The following MAU2 variants were observed in gnomAD, a reference collection of about 807,000 sequenced individuals.
MAU2 encodes MAU2 sister chromatid cohesion factor.
MAU2 carries 9 observed loss-of-function variants against 89.1 expected under a neutral mutation model. The observed-to-expected ratio is 0.10, with a 90% CI of 0.06 to 0.18. MAU2 has a LOEUF of 0.18. Ranked by LOEUF, MAU2 falls within the 10% of genes least tolerant of loss-of-function variation. MAU2 has a pLI of 1.00. For missense variants in MAU2, 425 were observed against 803.5 expected, an observed-to-expected ratio of 0.53 and a Z score of 5.69; for synonymous variants, 357 against 343.4, an observed-to-expected ratio of 1.04 and a Z score of -0.44.
chr19:19,342,103 A>G (rs1198628764), intron 7 of MAU2, among the ~76,000 whole-genome samples: 2 of 152,130 alleles, frequency 1.3e-5, no homozygotes, highest in African/African-American at 2.4e-5. Flanking sequence ...TCAGGGTGCA[A>G]GGGCTGCAGA....
At chr19:19,327,124 T>TC (rs1404491965) in intron 1 of MAU2, among the ~76,000 whole-genome samples, 1 of 145,386 alleles carries the variant, frequency 6.9e-6, no homozygotes, top group African/African-American at 2.5e-5. Flanking sequence ...CCAGGAGCTT[T>TC]TTTTTTTTTT....
At chr19:19,349,497 A>AG in intron 16 of MAU2, 61 bp downstream of exon 16, 4 of 1,428,384 alleles carry the variant, frequency 2.8e-6, no homozygotes, top group Non-Finnish European at 2.9e-6. Flanking sequence ...GAGGGACAGG[A>AG]GCCGGCCAGC....
intron 12 of MAU2, among the ~76,000 whole-genome samples, chr19:19,346,489 A>T (rs2061693993): frequency 6.6e-6 from 1 of 151,890 alleles, no homozygotes; most frequent in Non-Finnish European, 1.5e-5. Context: ...CCCTAACCCC[A>T]AACACACACG....
intron 1 of MAU2, among the ~76,000 whole-genome samples, chr19:19,332,700 C>T (rs928108544): frequency 3.9e-5 from 6 of 152,202 alleles, no homozygotes; most frequent in African/African-American, 1.4e-4. Context: ...GAGATGGGAT[C>T]CTCTCTGTCT....
At chr19:19,331,975 TG>T (rs1448954744) in intron 1 of MAU2, among the ~76,000 whole-genome samples, 3 of 152,260 alleles carry the variant, frequency 2.0e-5, no homozygotes, top group Non-Finnish European at 4.4e-5. Flanking sequence ...GCTTTGTGTC[TG>T]AAAGGCATAC....
At chr19:19,347,587 A>G in intron 13 of MAU2, 1 of 528,878 alleles carries the variant, frequency 1.9e-6, no homozygotes, top group Non-Finnish European at 3.4e-6. Flanking sequence ...CCATAGCCAC[A>G]GAACACTTCT....
intron 17 of MAU2, 62 bp downstream of exon 17, chr19:19,354,507 T>G: frequency 1.4e-6 from 2 of 1,427,544 alleles, no homozygotes; most frequent in South Asian, 1.2e-5. Flanking sequence ...AGATCAAGGC[T>G]GCTGGGCATG....
intron 13 of MAU2, chr19:19,348,657 C>T: frequency 3.2e-6 from 2 of 634,312 alleles, no homozygotes. Flanking sequence ...CGCCCAGGCC[C>T]CTGTCACCTA....
intron 16 of MAU2, among the ~76,000 whole-genome samples, chr19:19,351,678 CAA>C (rs959590954): frequency 1.4e-5 from 2 of 138,320 alleles, no homozygotes; most frequent in East Asian, 2.1e-4. Flanking sequence ...AGATCCGTCT[CAA>C]AAAAAAAAAG....
chr19:19,355,962 C>T lies in MAU2; in HGVS notation c.*180C>T, dbSNP rs574977545. The T allele has an allele frequency of 4.3e-5, 30 of 702,328 alleles. No individual in the cohort carries two copies. Among genetic ancestry groups the T allele is most frequent in the African/African-American group, 1.4e-4 (8 of 57,308 alleles). 43.5% of individuals were successfully genotyped at this position (702,328 alleles called of 1,614,324 possible). ...GGAGGGGTGGTAGCCGTTCCCACCT[C>T]GCAGCAGGACCCCCAGTGCAGAGGC... On this transcript the variant is annotated 3_prime_UTR_variant, in exon 19 of 19. Transcript: ENST00000262815.
At position 19,345,282 on chromosome 19, in the gene MAU2, T is replaced by C; in HGVS notation, c.1156-22T>C. 1 of 1,611,672 alleles carries C rather than the reference T, an allele frequency of 6.2e-7. No homozygotes were observed. The highest frequency in any genetic ancestry group is 8.5e-7 in the Non-Finnish European group (1 of 1,178,098). On this transcript the variant is annotated intron_variant, in intron 11 of 18. Transcript: ENST00000262815. The surrounding 1 kb of genome is among the most constrained non-coding windows in gnomAD (Gnocchi z 4.9). ...CCCCCTCCCCAGGGGCCGGCCCTGA[T>C]GACAACACCACCTTCTTCCAGGGCC...
chr19:19,349,537 C>A, intron 16 of MAU2, 101 bp downstream of exon 16: 1 of 1,014,830 alleles, frequency 9.9e-7, no homozygotes, highest in South Asian at 1.3e-5. Flanking sequence ...ACTGTTCATC[C>A]TATGCCCCTC....
chr19:19,347,435 G>A, intron 13 of MAU2, 69 bp downstream of exon 13: 6 of 1,279,614 alleles, frequency 4.7e-6, no homozygotes, highest in Non-Finnish European at 6.8e-6. Flanking sequence ...CCAGGGGGTT[G>A]TCCTGGGCAC....
chr19:19,322,798 C>A (rs955350027), intron 1 of MAU2, among the ~76,000 whole-genome samples: 2 of 152,154 alleles, frequency 1.3e-5, no homozygotes, highest in African/African-American at 4.8e-5. Context: ...TCCAAGCCCA[C>A]CCTCAGCTAG....
At chr19:19,326,852 A>G (rs918647089) in intron 1 of MAU2, among the ~76,000 whole-genome samples, 9 of 150,050 alleles carry the variant, frequency 6.0e-5, no homozygotes, top group African/African-American at 2.0e-4. Flanking sequence ...TGATCGTGCC[A>G]CTGCACTCCA....
In MAU2 at chr19:19,354,465, C is replaced by T; in HGVS notation, c.1639+20C>T. On this transcript the variant is annotated intron_variant, in intron 17 of 18. Coordinates refer to ENST00000262815, the MANE Select transcript of MAU2 (RefSeq NM_015329.4). ...TGAGAGGTGAGTGCAATGGCCACCC[C>T]TCTTCCCCAGCCCCAGCCTGGCCCT... The T allele has an allele frequency of 6.2e-7, 1 of 1,604,894 alleles. No individual in the cohort carries two copies. Among genetic ancestry groups the T allele is most frequent in the South Asian group, 1.1e-5 (1 of 90,908 alleles).
intron 12 of MAU2, among the ~76,000 whole-genome samples, chr19:19,346,620 G>C (rs971783058): frequency 1.5e-4 from 23 of 152,166 alleles, no homozygotes; most frequent in Non-Finnish European, 3.1e-4. Context: ...TGCAGGTGGG[G>C]TCTGTGCTTC....
At chr19:19,354,206 A>C in intron 16 of MAU2, 149 bp from the exon 17 acceptor site, 1 of 665,388 alleles carries the variant, frequency 1.5e-6, no homozygotes, top group Non-Finnish European at 2.8e-6. Context: ...GCTCTGAGGT[A>C]AGCATAGGAG....
At chr19:19,344,802 G>A (rs1434964344) in intron 10 of MAU2, 47 bp from the exon 11 acceptor site, 2 of 1,521,430 alleles carry the variant, frequency 1.3e-6, no homozygotes, top group Admixed American at 1.7e-5. Context: ...TCAGACGCCA[G>A]GTCCCAGGTT....
Sources: gnomAD v4.1 joint callset for allele counts (sites outside exome capture counted in the v4.1 genomes callset) on GRCh38, gnomAD v4.1.1 for gene constraint, Gnocchi (gnomAD v3.1) non-coding constraint, MANE v1.5 for transcripts, NCBI Gene and HGNC (gene_info 2026-07-23, HGNC 2026-07-21) for gene names.